ERBB4: variants seen among roughly 807,000 people sequenced by gnomAD.
ERBB4 encodes the protein erb-b2 receptor tyrosine kinase 4.
In ERBB4, 42 loss-of-function variants were observed where a neutral mutation model predicts 158.0. The ratio of observed to expected loss-of-function variants is 0.27; its 90% CI spans 0.21 to 0.34. ERBB4 has a LOEUF of 0.34. Among genes scored for constraint, ERBB4 ranks in the 10% least tolerant of loss-of-function variants. The probability of loss-of-function intolerance (pLI) is 1.00; values close to 1 mark genes in which losing one functional copy is unlikely to be tolerated. For synonymous variants in ERBB4, 583 were observed against 558.7 expected (o/e 1.04, Z -0.61); for missense variants, 1,333 against 1,624.1 (o/e 0.82, Z 3.08).
intron 20 of ERBB4, among the ~76,000 whole-genome samples, chr2:211,435,729 T>A (rs6435624): frequency 1 from 152,220 of 152,296 alleles, 76,072 homozygotes; most frequent in Non-Finnish European, 1. Flanking sequence ...GAGGTAGAAC[T>A]GTTTCATCCC....
intron 26 of ERBB4, 88 bp downstream of exon 26, chr2:211,387,857 T>G: frequency 9.5e-7 from 1 of 1,052,234 alleles, no homozygotes; most frequent in Non-Finnish European, 1.5e-6. Context: ...AAAGGCAAAA[T>G]GAGGAAATTA....
chr2:212,086,256 A>C (rs2125480687), intron 2 of ERBB4, among the ~76,000 whole-genome samples: 1 of 152,042 alleles, frequency 6.6e-6, no homozygotes, highest in South Asian at 2.1e-4. Flanking sequence ...AAGAAAGTGA[A>C]GTCCACTAAT....
At chr2:211,997,909 T>TACACACACACACA (rs35510591) in intron 2 of ERBB4, among the ~76,000 whole-genome samples, 40 of 150,564 alleles carry the variant, frequency 2.7e-4, no homozygotes, top group East Asian at 1.2e-3. Flanking sequence ...CACACACACA[T>TACACACACACACA]CACACACACA....
intron 3 of ERBB4, among the ~76,000 whole-genome samples, chr2:211,861,196 A>T (rs1575268360): frequency 1.0e-5 from 1 of 95,976 alleles, no homozygotes; most frequent in African/African-American, 4.3e-5. Flanking sequence ...ACAGAGTCTC[A>T]CTCTGTCACC....
rs544232559 is a variant in ERBB4, at chr2:211,507,146, G to A, written c.2487+54757C>T. ...AATTTCTGGAAACATACAACCTCCC[G>A]AGATTGAACCAGGAAGGAAAAGAAA... On this transcript the variant is annotated intron_variant, in intron 20 of 27. Transcript: ENST00000342788. Among the ~76,000 whole-genome samples, 14 of 152,040 alleles carry A rather than the reference G, an allele frequency of 9.2e-5. No individual in the cohort carries two copies. The South Asian group carries it at 1.7e-3, about 18-fold the overall frequency.
At chr2:212,073,197 T>C (rs1388749849) in intron 2 of ERBB4, among the ~76,000 whole-genome samples, 1 of 151,790 alleles carries the variant, frequency 6.6e-6, no homozygotes, top group East Asian at 1.9e-4. Flanking sequence ...GCAGAAGAAA[T>C]TGTAGATCAC....
intron 1 of ERBB4, among the ~76,000 whole-genome samples, chr2:212,431,798 C>A (rs141037167): frequency 3.3e-5 from 5 of 152,264 alleles, no homozygotes; most frequent in African/African-American, 1.2e-4. Flanking sequence ...CATGCTTTCA[C>A]CAGCATCTTC....
intron 1 of ERBB4, among the ~76,000 whole-genome samples, chr2:212,423,672 TACTG>T (rs2091846830): frequency 6.6e-6 from 1 of 152,194 alleles, no homozygotes; most frequent in African/African-American, 2.4e-5. Context: ...ATAATTGTAA[TACTG>T]CATGCATATC....
At chr2:212,080,707 CA>C (rs2078417954) in intron 2 of ERBB4, among the ~76,000 whole-genome samples, 1 of 146,944 alleles carries the variant, frequency 6.8e-6, no homozygotes, top group Non-Finnish European at 1.5e-5. Context: ...TCTTTATATT[CA>C]AAATTTATCT....
chr2:211,752,188 T>C (rs1417909959), intron 4 of ERBB4, among the ~76,000 whole-genome samples: 1 of 152,090 alleles, frequency 6.6e-6, no homozygotes, highest in African/African-American at 2.4e-5. Context: ...ACAGGAGTTC[T>C]TTTGTACAAA....
chr2:211,981,159 A>T (rs1340194296), intron 2 of ERBB4, among the ~76,000 whole-genome samples: 2 of 152,140 alleles, frequency 1.3e-5, no homozygotes, highest in African/African-American at 4.8e-5. Context: ...CAAACCAATA[A>T]GTGAGAGAGG....
chr2:211,648,256 A>ATT (rs1208882824), intron 16 of ERBB4, among the ~76,000 whole-genome samples: 30 of 151,686 alleles, frequency 2.0e-4, no homozygotes, highest in African/African-American at 6.5e-4. Flanking sequence ...CCAGTTACTC[A>ATT]GGACAAAAAC....
intron 1 of ERBB4, among the ~76,000 whole-genome samples, chr2:212,385,576 C>G (rs888034330): frequency 5.3e-4 from 81 of 151,846 alleles, no homozygotes; most frequent in African/African-American, 1.9e-3. Context: ...AGTTTATGCT[C>G]CTGAAATAAT....
intron 1 of ERBB4, among the ~76,000 whole-genome samples, chr2:212,205,187 G>C (rs972911310): frequency 1.3e-5 from 2 of 151,726 alleles, no homozygotes; most frequent in Admixed American, 6.6e-5. Context: ...TTGAGACAGA[G>C]TCCTGCTTTG....
At position 211,540,247 on chromosome 2, in the gene ERBB4, A is replaced by G. The variant is rs1170601764; in HGVS notation, c.2487+21656T>C. On this transcript the variant is annotated intron_variant, in intron 20 of 27. Coordinates refer to ENST00000342788, the MANE Select transcript of ERBB4 (RefSeq NM_005235.3). ...ATAATACATATCACATATTCACTGT[A>G]TATTTATTTTGAGCACCTGTGCTGC... Among the ~76,000 whole-genome samples, 4 of 151,598 alleles carry G rather than the reference A, an allele frequency of 2.6e-5. No individual in the cohort carries two copies. The East Asian group carries it at 7.8e-4, about 30-fold the overall frequency.
chr2:211,407,401 G>A (rs988928646), intron 25 of ERBB4, among the ~76,000 whole-genome samples: 2 of 152,228 alleles, frequency 1.3e-5, no homozygotes, highest in East Asian at 1.9e-4. Context: ...ATCTCCATAC[G>A]CTAGGAATTA....
chr2:211,586,826 T>C (rs369999208), intron 19 of ERBB4, among the ~76,000 whole-genome samples: 7 of 152,190 alleles, frequency 4.6e-5, no homozygotes, highest in Non-Finnish European at 1.0e-4. Flanking sequence ...CTCACCCAGA[T>C]TGATAAGAAA....
chr2:212,177,959 A>AGTGTGT lies in ERBB4; in HGVS notation c.83-53062_83-53057dup, dbSNP rs5838302. On this transcript the variant is annotated intron_variant, in intron 1 of 27. Coordinates refer to ENST00000342788, the MANE Select transcript of ERBB4 (RefSeq NM_005235.3). ...GTGTTTGTGAGTGTTTGTGAGTGTG[A>AGTGTGT]GTGTGTGTGTGTGTGTGTGTGTTGG... 7.2e-3 allele frequency among the ~76,000 whole-genome samples: 1,079 copies of AGTGTGT among 149,500 alleles called. 9 individuals are homozygous for AGTGTGT. The highest frequency in any genetic ancestry group is 9.8e-3 in the Non-Finnish European group (658 of 67,006).
At chr2:212,258,047 A>T (rs544457457) in intron 1 of ERBB4, among the ~76,000 whole-genome samples, 1 of 152,244 alleles carries the variant, frequency 6.6e-6, no homozygotes, top group East Asian at 1.9e-4. Context: ...CAATATTTCA[A>T]AACCCCAGTG....
Sources: gnomAD v4.1 joint callset for allele counts (sites outside exome capture counted in the v4.1 genomes callset) on GRCh38, gnomAD v4.1.1 for gene constraint, MANE v1.5 for transcripts, NCBI Gene and HGNC (gene_info 2026-07-23, HGNC 2026-07-21) for gene names.